Variants in TNFAIP8 observed in about 807,000 individuals in gnomAD.
TNFAIP8 encodes the protein TNF alpha induced protein 8.
In TNFAIP8, 7 loss-of-function variants were observed where a neutral mutation model predicts 13.3. The ratio of observed to expected loss-of-function variants is 0.52; its 90% CI spans 0.30 to 0.99. TNFAIP8 has a LOEUF of 0.99. Ranked by LOEUF, TNFAIP8 falls within the 50% of genes least tolerant of loss-of-function variation. The pLI is 0.07. For synonymous variants in TNFAIP8, 94 were observed against 87.6 expected, an observed-to-expected ratio of 1.07 and a Z score of -0.41; for missense variants, 258 against 236.9, an observed-to-expected ratio of 1.09 and a Z score of -0.58.
chr5:119,303,826 C>T (rs1243380083), intron 1 of TNFAIP8, among the ~76,000 whole-genome samples: 1 of 152,164 alleles, frequency 6.6e-6, no homozygotes, highest in Non-Finnish European at 1.5e-5. Context: ...AAATATGAAA[C>T]AGCCACACTT....
chr5:119,376,582 C>T (rs944182304), intron 1 of TNFAIP8, among the ~76,000 whole-genome samples: 2 of 133,048 alleles, frequency 1.5e-5, no homozygotes, highest in African/African-American at 3.0e-5. Context: ...TCTTTCTGCT[C>T]CCCCAGAAAC....
At chr5:119,306,927 A>G (rs2112663000) in intron 1 of TNFAIP8, among the ~76,000 whole-genome samples, 1 of 152,356 alleles carries the variant, frequency 6.6e-6, no homozygotes, top group Admixed American at 6.5e-5. Context: ...TTTCCTATGC[A>G]TATTAAGGCA....
At chr5:119,367,297 T>A (rs1184964886) in intron 1 of TNFAIP8, among the ~76,000 whole-genome samples, 1 of 133,298 alleles carries the variant, frequency 7.5e-6, no homozygotes, top group East Asian at 2.4e-4. Context: ...ATAATTTGAT[T>A]TTTTTGTTGC....
At chr5:119,386,515 G>GTGTTTTGTTTTGTTTTGTTT (rs3033647) in intron 1 of TNFAIP8, among the ~76,000 whole-genome samples, 3 of 150,940 alleles carry the variant, frequency 2.0e-5, no homozygotes, top group African/African-American at 7.3e-5. Flanking sequence ...AAAGAACCCA[G>GTGTTTTGTTTTGTTTTGTTT]TGTTTTGTTT....
Position 119,372,322 on chromosome 5 carries a change from C to CAAA in TNFAIP8, c.31+16216_31+16218dup, listed in dbSNP as rs67551765. 2.2e-3 allele frequency among the ~76,000 whole-genome samples: 243 copies of CAAA among 111,978 alleles called. 1 individual carries two copies. Among genetic ancestry groups the CAAA allele is most frequent in the South Asian group, 5.0e-3 (17 of 3,430 alleles). 73.5% of individuals were successfully genotyped at this position (111,978 alleles called of 152,430 possible). On this transcript the variant is annotated intron_variant, in intron 1 of 1. Coordinates refer to ENST00000504771, the MANE Select transcript of TNFAIP8 (RefSeq NM_014350.4). ...TTAGCAACAGAGTGAGACCCTGTCT[C>CAAA]AAAAAAAAAAAAAAAAAGAATACTA... is the stretch of plus-strand genomic sequence containing the variant.
At chr5:119,360,336 C>G (rs1751585511) in intron 1 of TNFAIP8, among the ~76,000 whole-genome samples, 2 of 152,188 alleles carry the variant, frequency 1.3e-5, no homozygotes. Flanking sequence ...GTCAGCATTT[C>G]TGTCTTTATG....
intron 1 of TNFAIP8, among the ~76,000 whole-genome samples, chr5:119,363,568 G>A (rs1267603572): frequency 6.6e-6 from 1 of 152,226 alleles, no homozygotes; most frequent in African/African-American, 2.4e-5. Context: ...AGTGGTACAT[G>A]AGGGTAACAA....
chr5:119,332,881 A>G (rs534771593), intron 1 of TNFAIP8, among the ~76,000 whole-genome samples: 13 of 152,322 alleles, frequency 8.5e-5, no homozygotes, highest in African/African-American at 2.6e-4. Flanking sequence ...ACTCACACTT[A>G]CATTCATTAT....
In TNFAIP8 at chr5:119,399,394, G is replaced by T. The variant is rs1753144829; in HGVS notation, c.*6013G>T. 1 of 152,286 alleles carries T rather than the reference G, an allele frequency of 6.6e-6. No homozygotes were observed. Among genetic ancestry groups the T allele is most frequent in the South Asian group, 2.1e-4 (1 of 4,828 alleles). The allele number at this position is 152,286 out of a possible 1,614,324, so 9.4% of individuals were successfully genotyped here. A position where few individuals can be genotyped will look rare whatever the true frequency, so the allele number is the denominator to read the frequency against. On this transcript the variant is annotated 3_prime_UTR_variant, in exon 2 of 2. Transcript: ENST00000504771. ...TAATTTTAAAGATACAATTTTTAAAGACATGGAAGGCTCTGAGACCTCCTG... is the reference window on the plus strand; with the variant it reads ...TAATTTTAAAGATACAATTTTTAAATACATGGAAGGCTCTGAGACCTCCTG...
At chr5:119,386,701 G>T (rs977921381) in intron 1 of TNFAIP8, among the ~76,000 whole-genome samples, 1 of 152,162 alleles carries the variant, frequency 6.6e-6, no homozygotes, top group Non-Finnish European at 1.5e-5. Context: ...TAACCACTTG[G>T]GGGGATGTGC....
chr5:119,349,040 C>A (rs1751022252), intron 1 of TNFAIP8, among the ~76,000 whole-genome samples: 1 of 152,156 alleles, frequency 6.6e-6, no homozygotes, highest in Admixed American at 6.5e-5. Context: ...GCTGTCCTGG[C>A]CACCTCAGCC....
chr5:119,268,975 G>A, intron 1 of TNFAIP8: 1 of 650,228 alleles, frequency 1.5e-6, no homozygotes, highest in East Asian at 2.9e-5. Context: ...CTGGGCTGCG[G>A]GCTGCTCTCG....
intron 1 of TNFAIP8, among the ~76,000 whole-genome samples, chr5:119,317,688 T>G (rs1383123094): frequency 6.6e-6 from 1 of 151,920 alleles, no homozygotes; most frequent in Admixed American, 6.6e-5. Flanking sequence ...AACCTCCACC[T>G]CCCAGGTTCA....
At chr5:119,299,179 C>T (rs6877107) in intron 1 of TNFAIP8, among the ~76,000 whole-genome samples, 76,893 of 151,162 alleles carry the variant, frequency 0.51, 21,221 homozygotes, top group East Asian at 0.85. Context: ...GGAGGAGAGG[C>T]GCTCTGCTTT....
At chr5:119,359,255 C>T (rs959860692) in intron 1 of TNFAIP8, among the ~76,000 whole-genome samples, 3 of 152,174 alleles carry the variant, frequency 2.0e-5, no homozygotes, top group Non-Finnish European at 4.4e-5. Flanking sequence ...TTGGCACTTG[C>T]TGGTCTTCCT....
intron 1 of TNFAIP8, among the ~76,000 whole-genome samples, chr5:119,332,843 C>G (rs6869017): frequency 0.1 from 15,915 of 152,148 alleles, 1,035 homozygotes; most frequent in African/African-American, 0.19. Flanking sequence ...TGTATGTGTA[C>G]ATGTGTGTAT....
At chr5:119,273,916 A>G (rs571813215) in intron 1 of TNFAIP8, among the ~76,000 whole-genome samples, 1 of 152,224 alleles carries the variant, frequency 6.6e-6, no homozygotes, top group South Asian at 2.1e-4. Flanking sequence ...CTCTGTCAAT[A>G]CCCTCTCTAA....
intron 1 of TNFAIP8, among the ~76,000 whole-genome samples, chr5:119,342,104 C>T (rs1415345863): frequency 6.6e-6 from 1 of 152,200 alleles, no homozygotes; most frequent in Non-Finnish European, 1.5e-5. Context: ...TAGTCATCCA[C>T]CGGCTTTTCC....
At chr5:119,334,657 GTGTA>G (rs756156306) in intron 1 of TNFAIP8, among the ~76,000 whole-genome samples, 1 of 147,136 alleles carries the variant, frequency 6.8e-6, no homozygotes, top group Non-Finnish European at 1.5e-5. Context: ...GTGTGTGTGT[GTGTA>G]TACCTGGGAG....
Sources: allele counts gnomAD v4.1 joint callset (sites outside exome capture counted in the v4.1 genomes callset), GRCh38; gene constraint gnomAD v4.1.1; transcripts MANE v1.5; gene names NCBI Gene and HGNC (gene_info 2026-07-23, HGNC 2026-07-21).